The following TBC1D5 variants were observed in gnomAD, a reference collection of about 807,000 sequenced individuals.
TBC1D5 encodes TBC1 domain family, member 5.
Under a neutral mutation model 100.3 loss-of-function variants are expected in TBC1D5, and 75 were observed. The observed-to-expected ratio is 0.75, with a 90% CI of 0.62 to 0.91. The LOEUF (loss-of-function observed/expected upper bound fraction) is 0.91. Ranked by LOEUF, TBC1D5 falls within the 40% of genes least tolerant of loss-of-function variation. The pLI is 0.00. For missense variants in TBC1D5, 910 were observed against 942.4 expected (o/e 0.97, Z 0.45); for synonymous variants, 323 against 325.6 (o/e 0.99, Z 0.09).
At chr3:17,640,714 T>C (rs1220825291) in intron 1 of TBC1D5, among the ~76,000 whole-genome samples, 1 of 151,824 alleles carries the variant, frequency 6.6e-6, no homozygotes, top group Non-Finnish European at 1.5e-5. Flanking sequence ...AAACAAAACA[T>C]CACAAGCCTC....
intron 3 of TBC1D5, among the ~76,000 whole-genome samples, chr3:17,504,023 GA>G (rs763793738): frequency 4.0e-5 from 6 of 149,230 alleles, no homozygotes; most frequent in Non-Finnish European, 7.4e-5. Context: ...GATAAAACAG[GA>G]GAGTATATTA....
chr3:17,160,048 C>CT (rs1448257108), exon 22 of TBC1D5: 1 of 151,552 alleles, frequency 6.6e-6, no homozygotes, highest in Non-Finnish European at 1.5e-5. Context: ...GACTAGAAAA[C>CT]TGACTGTCTG....
intron 2 of TBC1D5, among the ~76,000 whole-genome samples, chr3:17,539,346 G>A (rs2096323934): frequency 1.3e-5 from 2 of 152,120 alleles, no homozygotes; most frequent in Admixed American, 1.3e-4. Context: ...TTAAAATGAT[G>A]AAAGACTCAG....
At chr3:17,261,419 T>C (rs1438388337) in intron 15 of TBC1D5, among the ~76,000 whole-genome samples, 1 of 139,148 alleles carries the variant, frequency 7.2e-6, no homozygotes, top group Non-Finnish European at 1.5e-5. Flanking sequence ...AGCGGAATTC[T>C]CACTTTATGC....
At chr3:17,426,522 T>C (rs2094340019) in intron 4 of TBC1D5, among the ~76,000 whole-genome samples, 1 of 152,104 alleles carries the variant, frequency 6.6e-6, no homozygotes, top group Non-Finnish European at 1.5e-5. Flanking sequence ...TCTTCTCTTT[T>C]TAATTACAAC....
chr3:17,280,707 C>T (rs752255333), intron 15 of TBC1D5, among the ~76,000 whole-genome samples: 4 of 152,146 alleles, frequency 2.6e-5, no homozygotes, highest in Non-Finnish European at 5.9e-5. Flanking sequence ...AAATCTTCTG[C>T]ATTCATCACC....
At position 17,506,168 on chromosome 3, in the gene TBC1D5, T is replaced by A. The variant is rs1161721981; in HGVS notation, c.97+2306A>T. Among the ~76,000 whole-genome samples the A allele has an allele frequency of 2.0e-5, 3 of 152,146 alleles. No individual in the cohort carries two copies. The East Asian group carries it at 5.8e-4, about 29-fold the overall frequency. On this transcript the variant is annotated intron_variant, in intron 3 of 21. Transcript: ENST00000253692. ...AAGAAAGCCCAGGTAAGACATATAT[T>A]AAAATAAGCAAACATAATAGAAAGG...
intron 13 of TBC1D5, among the ~76,000 whole-genome samples, chr3:17,327,342 A>C (rs1038173522): frequency 2.0e-5 from 3 of 152,216 alleles, no homozygotes. Context: ...AAGATAAGTC[A>C]GGCGACATCA....
At position 17,166,816 on chromosome 3, in the gene TBC1D5, T is replaced by C. The variant is rs775073033; in HGVS notation, c.2045A>G (p.Gln682Arg). The change falls in exon 21 of 22, where the codon CAG (glutamine) becomes CGG (arginine). Residue 682 changes from glutamine to arginine, a missense_variant. Transcript: ENST00000253692. ...AACGCTCTGGCCTTGGCCTCGGCCC[T>C]GGCCCTGGCCGCTGGAGCAGTAGTG... 8 of 1,614,108 alleles carry C rather than the reference T, an allele frequency of 5.0e-6. No homozygotes were observed. In the African/African-American group the frequency reaches 8.0e-5, roughly 16 times the overall value.
At position 17,680,967 on chromosome 3, in the gene TBC1D5, C is replaced by T. The variant is rs1340610571; in HGVS notation, c.-100-57054G>A. Among the ~76,000 whole-genome samples the T allele has an allele frequency of 3.3e-5, 5 of 151,492 alleles. No homozygotes were observed. The South Asian group carries it at 6.2e-4, about 19-fold the overall frequency. On this transcript the variant is annotated intron_variant, in intron 1 of 21. Transcript: ENST00000253692. ...CATGAGAACAACCTTGATTGCTCTA[C>T]TAAAACATCAGTGCAGGGACCCAAA...
At chr3:17,558,709 G>A (rs1198197993) in intron 2 of TBC1D5, among the ~76,000 whole-genome samples, 3 of 152,198 alleles carry the variant, frequency 2.0e-5, no homozygotes, top group African/African-American at 7.2e-5. Context: ...CTTAGGCTCT[G>A]TGGGCCATAC....
At chr3:17,270,697 T>C (rs930056823) in intron 15 of TBC1D5, among the ~76,000 whole-genome samples, 2 of 152,174 alleles carry the variant, frequency 1.3e-5, no homozygotes, top group Non-Finnish European at 2.9e-5. Flanking sequence ...CCAAGGCTGA[T>C]GTCCAGAAGA....
intron 13 of TBC1D5, among the ~76,000 whole-genome samples, chr3:17,357,894 T>A (rs2091359486): frequency 1.3e-5 from 2 of 150,862 alleles, no homozygotes; most frequent in Non-Finnish European, 2.9e-5. Context: ...ATTACATTTC[T>A]CTGCATATTT....
intron 3 of TBC1D5, among the ~76,000 whole-genome samples, chr3:17,477,006 A>G (rs1257738641): frequency 6.6e-6 from 1 of 151,970 alleles, no homozygotes; most frequent in Non-Finnish European, 1.5e-5. Context: ...GAAAACTTTT[A>G]ACATTTTACA....
intron 3 of TBC1D5, chr3:17,465,399 G>A (rs1219890415): frequency 1.1e-5 from 2 of 173,914 alleles, no homozygotes; most frequent in East Asian, 1.5e-4. Flanking sequence ...TGTGGCTGTC[G>A]AGAAAACATA....
At chr3:17,577,087 A>G (rs1488659549) in intron 2 of TBC1D5, among the ~76,000 whole-genome samples, 1 of 151,976 alleles carries the variant, frequency 6.6e-6, no homozygotes, top group Non-Finnish European at 1.5e-5. Flanking sequence ...CAAGAGTAAA[A>G]GGCTATTATA....
At chr3:17,567,751 A>G (rs1169981109) in intron 2 of TBC1D5, among the ~76,000 whole-genome samples, 1 of 151,766 alleles carries the variant, frequency 6.6e-6, no homozygotes, top group Non-Finnish European at 1.5e-5. Context: ...TATAAAATGT[A>G]TATACAGCGC....
At chr3:17,484,321 G>T (rs1350658649) in intron 3 of TBC1D5, among the ~76,000 whole-genome samples, 1 of 152,068 alleles carries the variant, frequency 6.6e-6, no homozygotes, top group Non-Finnish European at 1.5e-5. Context: ...GGTGTGCATA[G>T]AACTAAAACT....
intron 15 of TBC1D5, among the ~76,000 whole-genome samples, chr3:17,289,217 C>A (rs909952191): frequency 6.6e-6 from 1 of 152,172 alleles, no homozygotes; most frequent in African/African-American, 2.4e-5. Flanking sequence ...TGCCCATGCA[C>A]CCCCTCCCAT....
Sources: allele counts gnomAD v4.1 joint callset (sites outside exome capture counted in the v4.1 genomes callset), GRCh38; gene constraint gnomAD v4.1.1; transcripts MANE v1.5; gene names NCBI Gene and HGNC (gene_info 2026-07-23, HGNC 2026-07-21).